Variants in MTOR observed in about 807,000 individuals in gnomAD.
MTOR encodes mechanistic target of rapamycin kinase.
MTOR carries 70 observed loss-of-function variants against 319.8 expected under a neutral mutation model. The ratio of observed to expected loss-of-function variants is 0.22; its 90% CI spans 0.18 to 0.27. MTOR has a LOEUF of 0.27. MTOR is among the 10% of genes least tolerant of loss of function. MTOR has a pLI of 1.00. For synonymous variants in MTOR, 1,183 were observed against 1,211.4 expected (o/e 0.98, Z 0.49); for missense variants, 1,890 against 3,274.4 (o/e 0.58, Z 10.32).
intron 54 of MTOR, chr1:11,111,052 G>A (rs185122512): frequency 1.2e-4 from 52 of 451,896 alleles, no homozygotes; most frequent in African/African-American, 9.2e-4. Context: ...TGTGTCCTAT[G>A]AGCCTGGTGA....
At chr1:11,149,028 A>T (rs1200735495) in intron 31 of MTOR, among the ~76,000 whole-genome samples, 2 of 152,106 alleles carry the variant, frequency 1.3e-5, no homozygotes, top group African/African-American at 2.4e-5. Context: ...AGCCTCACAG[A>T]GTGCTGGGAT....
At chr1:11,140,769 C>T (rs1035586157) in intron 34 of MTOR, among the ~76,000 whole-genome samples, 16 of 152,146 alleles carry the variant, frequency 1.1e-4, no homozygotes, top group Admixed American at 3.9e-4. Context: ...GTGAATAACA[C>T]ATAATACATC....
At chr1:11,164,485 GA>G (rs1644580262) in intron 29 of MTOR, among the ~76,000 whole-genome samples, 1 of 151,838 alleles carries the variant, frequency 6.6e-6, no homozygotes, top group African/African-American at 2.4e-5. Context: ...AAATAAACTA[GA>G]AAATCTAGAA....
intron 29 of MTOR, among the ~76,000 whole-genome samples, chr1:11,167,110 G>A (rs1026506960): frequency 2.1e-4 from 32 of 152,216 alleles, no homozygotes; most frequent in African/African-American, 3.9e-4. Flanking sequence ...TGTGGGGAGC[G>A]GGGAGGGATA....
chr1:11,258,580 T>A lies in MTOR; in HGVS notation c.176A>T (p.Glu59Val). 6.2e-7 allele frequency: 1 copy of A among 1,612,374 alleles called. No homozygotes were observed. The change falls in exon 3 of 58, where the codon GAG (glutamate) becomes GTG (valine). Residue 59 changes from glutamate to valine, a missense_variant. Around this residue, in one of 15 missense-constraint regions of MTOR, gnomAD observed 85 missense variants for 105.8 expected, o/e 0.80. Transcript: ENST00000361445. ...TMELREMSQE[E>V]STRFYDQLNH... ...CAGTTGGTCATAGAAGCGAGTAGAC[T>A]CCTCTTGACTCATCTGCAAAAGAAG...
At chr1:11,211,633 C>T (rs1262495029) in intron 23 of MTOR, among the ~76,000 whole-genome samples, 1 of 152,146 alleles carries the variant, frequency 6.6e-6, no homozygotes, top group South Asian at 2.1e-4. Context: ...TCCCAAGTTG[C>T]TGGAATTACG....
At chr1:11,202,092 C>T (rs564875337) in intron 26 of MTOR, among the ~76,000 whole-genome samples, 39 of 152,270 alleles carry the variant, frequency 2.6e-4, no homozygotes, top group African/African-American at 9.1e-4. Context: ...AGGCAGGAGC[C>T]ACAATGCCCA....
At chr1:11,196,289 C>A (rs1225670720) in intron 28 of MTOR, among the ~76,000 whole-genome samples, 2 of 152,194 alleles carry the variant, frequency 1.3e-5, no homozygotes, top group Non-Finnish European at 1.5e-5. Flanking sequence ...TCGGGGCTAA[C>A]CAAGTAAAAG....
chr1:11,233,101 C>T (rs1348066000), intron 15 of MTOR: 15 of 1,135,964 alleles, frequency 1.3e-5, no homozygotes, highest in African/African-American at 3.2e-5. Flanking sequence ...TGGAGAAGAA[C>T]CAAGCAGGGT....
chr1:11,108,282 C>T lies in MTOR; in HGVS notation c.7533G>A (p.Arg2511=), dbSNP rs1220338719. Residue 2511 remains arginine, a synonymous_variant, in exon 57 of 58, where the codon CGG becomes CGA. Transcript: ENST00000361445. ...INRVRDKLTG[R]DFSHDDTLDV... ...CCAAAGTGTCATCATGAGAGAAGTC[C>T]CGACCTAGCACAGGAGGAACAAAAA... The T allele has an allele frequency of 3.1e-6, 5 of 1,613,276 alleles. No individual in the cohort carries two copies. Among genetic ancestry groups the T allele is most frequent in the Admixed American group, 3.3e-5 (2 of 59,990 alleles).
chr1:11,120,269 T>C (rs1307178015), intron 49 of MTOR, among the ~76,000 whole-genome samples: 3 of 151,914 alleles, frequency 2.0e-5, no homozygotes, highest in Non-Finnish European at 4.4e-5. Flanking sequence ...CTAGGTGTGG[T>C]GGCTCATACC....
At position 11,127,591 on chromosome 1, in the gene MTOR, G is replaced by T. The variant is rs2100406051; in HGVS notation, c.6216+33C>A. On this transcript the variant is annotated intron_variant, in intron 44 of 57. Coordinates refer to ENST00000361445, the MANE Select transcript of MTOR (RefSeq NM_004958.4). This position sits in a 1 kb window ranked among gnomAD's most constrained non-coding sequence, Gnocchi z 5.5. The stretch of plus-strand genomic sequence containing the variant: ...TTTTTAGTGGCAGAATATTTCTACA[G>T]GGTTATGTCCTTTCGTGTTTTTTAC... 6.4e-7 allele frequency: 1 copy of T among 1,564,502 alleles called. No individual in the cohort carries two copies. Among genetic ancestry groups the T allele is most frequent in the Admixed American group, 2.0e-5 (1 of 49,606 alleles).
chr1:11,217,094 T>C, intron 19 of MTOR, among the ~76,000 whole-genome samples: 1 of 152,312 alleles, frequency 6.6e-6, no homozygotes, highest in South Asian at 2.1e-4. Flanking sequence ...AGTAATTAAC[T>C]CATTACTTAG....
intron 49 of MTOR, among the ~76,000 whole-genome samples, chr1:11,119,574 A>G (rs868244374): frequency 1.7e-3 from 183 of 105,212 alleles, no homozygotes; most frequent in South Asian, 0.015. Context: ...CCGTCTCGAG[A>G]AAAAAAAAAA....
At chr1:11,141,961 A>G (rs956586563) in intron 34 of MTOR, among the ~76,000 whole-genome samples, 1 of 151,638 alleles carries the variant, frequency 6.6e-6, no homozygotes, top group Non-Finnish European at 1.5e-5. Context: ...AGATCGTGCC[A>G]CTGCACTCCA....
intron 49 of MTOR, among the ~76,000 whole-genome samples, chr1:11,120,645 C>T (rs140289127): frequency 0.012 from 1,836 of 152,072 alleles, 20 homozygotes; most frequent in Non-Finnish European, 0.018. Flanking sequence ...AGCCACTGCA[C>T]CCAGCCAAAA....
rs70977548 is a variant in MTOR at position 11,154,068 on chromosome 1, C to CAAAAAAAAAAAAAAAA, written c.4469+3068_4469+3083dup. Among the ~76,000 whole-genome samples the CAAAAAAAAAAAAAAAA allele has an allele frequency of 2.3e-4, 3 of 13,066 alleles. 1 individual carries two copies. Among genetic ancestry groups the CAAAAAAAAAAAAAAAA allele is most frequent in the Non-Finnish European group, 2.8e-4 (2 of 7,222 alleles). 8.6% of individuals were successfully genotyped at this position (13,066 alleles called of 152,430 possible). A position where few individuals can be genotyped will look rare whatever the true frequency, so the allele number is the denominator to read the frequency against. ...TGGGTGACAGAGTGAGACTCTGTCTCAAAAAAAAAAAAAAAAAAAAAAAAA... is the reference window on the plus strand; with the variant it reads ...TGGGTGACAGAGTGAGACTCTGTCTCAAAAAAAAAAAAAAAAAAAAAAAAAAAAAAAAAAAAAAAAA... On this transcript the variant is annotated intron_variant, in intron 30 of 57. Transcript: ENST00000361445.
At chr1:11,107,839 C>G (rs1641652655) in intron 57 of MTOR, among the ~76,000 whole-genome samples, 1 of 152,198 alleles carries the variant, frequency 6.6e-6, no homozygotes, top group Admixed American at 6.5e-5. Context: ...ACTGCTCTAG[C>G]TTTTTCTTTC....
At chr1:11,210,717 A>G in intron 24 of MTOR, 97 bp downstream of exon 24, 1 of 963,044 alleles carries the variant, frequency 1.0e-6, no homozygotes, top group Non-Finnish European at 1.6e-6. Flanking sequence ...CCTAATTTAC[A>G]GCCAAAAAGC....
Sources: allele counts gnomAD v4.1 joint callset (sites outside exome capture counted in the v4.1 genomes callset), GRCh38; gene constraint gnomAD v4.1.1; regional missense constraint gnomAD v4.1.1; non-coding constraint Gnocchi (gnomAD v3.1); transcripts MANE v1.5; gene names NCBI Gene and HGNC (gene_info 2026-07-23, HGNC 2026-07-21).